The following ABCA9 variants were observed in gnomAD, a reference collection of about 807,000 sequenced individuals.
ABCA9 encodes ATP-binding cassette sub-family A member 9.
ABCA9 carries 183 observed loss-of-function variants against 205.3 expected under a neutral mutation model. The observed-to-expected ratio is 0.89, with a 90% CI of 0.79 to 1.01. ABCA9 has a LOEUF of 1.01. Among genes scored for constraint, ABCA9 ranks in the 50% least tolerant of loss-of-function variants. The pLI is 0.00. For synonymous variants in ABCA9, 651 were observed against 683.3 expected (o/e 0.95, Z 0.74); for missense variants, 1,805 against 1,912.4 (o/e 0.94, Z 1.05).
Position 69,029,157 on chromosome 17 carries a change from T to C in ABCA9, c.1504+12A>G, listed in dbSNP as rs948006362. 1.0e-5 allele frequency: 15 copies of C among 1,482,504 alleles called. No individual in the cohort carries two copies. Among genetic ancestry groups the C allele is most frequent in the Non-Finnish European group, 1.4e-5 (15 of 1,084,320 alleles). The allele number at this position is 1,482,504 out of a possible 1,614,324, so 91.8% of individuals were successfully genotyped here. On this transcript the variant is annotated intron_variant, in intron 11 of 38. Coordinates refer to ENST00000340001, the MANE Select transcript of ABCA9 (RefSeq NM_080283.4). ...TCAAGCAGCCCCATTAAATAAAATA[T>C]TATTTTATTACCTTTCAAAGCTTCT...
In ABCA9 at chr17:69,051,074, T is replaced by G; in HGVS notation, c.53A>C (p.Lys18Thr). The change falls in exon 2 of 39, where the codon AAG becomes ACG. Residue 18 changes from lysine to threonine, a missense_variant. Coordinates refer to ENST00000340001, the MANE Select transcript of ABCA9 (RefSeq NM_080283.4). ...CATTCTCCATTTTTTGAGACAGTTC[T>G]TGCAGAGAAGAGCCCATGTTTGCTG... Reference protein sequence around the residue: ...VGQQTWALLCKNCLKKWRMKR... With the variant: ...VGQQTWALLCTNCLKKWRMKR... 1 of 1,613,810 alleles carries G rather than the reference T, an allele frequency of 6.2e-7. No homozygotes were observed. The highest frequency in any genetic ancestry group is 8.5e-7 in the Non-Finnish European group (1 of 1,179,858).
At chr17:68,997,720 A>G (rs1567926226) in intron 25 of ABCA9, among the ~76,000 whole-genome samples, 1 of 151,848 alleles carries the variant, frequency 6.6e-6, no homozygotes, top group East Asian at 1.9e-4. Context: ...GCCCTCATAC[A>G]GGCACAGCCT....
upstream of ABCA9, among the ~76,000 whole-genome samples, chr17:69,062,397 A>G (rs1329856626): frequency 3.3e-5 from 5 of 152,098 alleles, no homozygotes; most frequent in African/African-American, 4.8e-5. Context: ...TCTGTTTTCA[A>G]TGTTTCCTTC....
intron 31 of ABCA9, among the ~76,000 whole-genome samples, chr17:68,987,134 TTAGG>T (rs1378986108): frequency 6.6e-6 from 1 of 152,208 alleles, no homozygotes. Flanking sequence ...CCTGTATGTG[TTAGG>T]TGTTTGTTTT....
At chr17:69,076,539 C>T in the ABCA9 span, among the ~76,000 whole-genome samples, 2 of 152,102 alleles carry the variant, frequency 1.3e-5, no homozygotes, top group Non-Finnish European at 2.9e-5. Flanking sequence ...AAATGAGTTA[C>T]GGAGTAGTCC....
chr17:69,077,364 A>G, the ABCA9 span, among the ~76,000 whole-genome samples: 6 of 152,006 alleles, frequency 3.9e-5, no homozygotes, highest in Non-Finnish European at 8.8e-5. Context: ...CTGTGGTCTG[A>G]GAGTATGGTT....
upstream of ABCA9, chr17:69,061,037 G>T (rs2072231996): frequency 1.4e-5 from 14 of 985,282 alleles, no homozygotes; most frequent in South Asian, 5.6e-4. Flanking sequence ...TCTGGTCTCA[G>T]TTCAGCTAGC....
Position 69,018,689 on chromosome 17 carries a change from C to A in ABCA9, c.2601-110G>T, listed in dbSNP as rs1025788407. ...ACAGAAATAAATTATAATCAATAACCAAACATTTGAATCATACTTTGCCCC... is the reference window on the plus strand; with the variant it reads ...ACAGAAATAAATTATAATCAATAACAAAACATTTGAATCATACTTTGCCCC... On this transcript the variant is annotated intron_variant, in intron 19 of 38. Coordinates refer to ENST00000340001, the MANE Select transcript of ABCA9 (RefSeq NM_080283.4). The A allele has an allele frequency of 8.0e-5, 66 of 826,524 alleles. 1 individual carries two copies. The highest frequency in any genetic ancestry group is 1.1e-4 in the Non-Finnish European group (62 of 551,520). The allele number at this position is 826,524 out of a possible 1,614,324, so 51.2% of individuals were successfully genotyped here.
rs770720513 is a variant in ABCA9, at chr17:69,027,106, T to C, written c.1920A>G (p.Leu640=). The change falls in exon 15 of 39, where the codon CTA becomes CTG. Residue 640 remains leucine, a synonymous_variant. Coordinates refer to ENST00000340001, the MANE Select transcript of ABCA9 (RefSeq NM_080283.4). The stretch of plus-strand genomic sequence containing the variant: ...CCAATCCAGCAGTCGGTTCATCCAA[T>C]AGCAAAACCTGGACAGGAGGAAAGT... ...IAILGDPQVL[L]LDEPTAGLDP... The C allele has an allele frequency of 6.2e-7, 1 of 1,613,908 alleles. No homozygotes were observed. The highest frequency in any genetic ancestry group is 1.1e-5 in the South Asian group (1 of 91,044).
intron 32 of ABCA9, among the ~76,000 whole-genome samples, 162 bp downstream of exon 32, chr17:68,986,002 C>T (rs908073632): frequency 8.5e-5 from 13 of 152,126 alleles, no homozygotes; most frequent in African/African-American, 3.1e-4. Context: ...TCTCTCCAGG[C>T]TCAAAGTGAG....
At chr17:68,983,620 C>A in intron 36 of ABCA9, 89 bp downstream of exon 36, 9 of 1,523,540 alleles carry the variant, frequency 5.9e-6, no homozygotes, top group Non-Finnish European at 8.0e-6. Flanking sequence ...AGTTAAAGAA[C>A]GAGAAGATAA....
rs1256779394 is a variant in ABCA9, at chr17:68,989,928, T to G, written c.3840A>C (p.Thr1280=). 3.7e-6 allele frequency: 6 copies of G among 1,605,000 alleles called. No individual in the cohort carries two copies. The African/African-American group carries it at 8.0e-5, about 22-fold the overall frequency. The change falls in exon 30 of 39, where the codon ACA becomes ACC. Residue 1280 remains threonine (T), a splice_region_variant and synonymous_variant. Transcript: ENST00000340001. Reference sequence around the variant, plus strand: ...GTAGACAGCTGGCAATGATGACGGGTGTCTGTAAAGACAAGTAAATAACAA... The same window carrying G: ...GTAGACAGCTGGCAATGATGACGGGGGTCTGTAAAGACAAGTAAATAACAA... ...NAMAVRDFDE[T]PVIIASCLRK... is the part of the protein sequence containing the mutation.
chr17:68,979,195 A>G (rs2068968110), intron 37 of ABCA9, among the ~76,000 whole-genome samples: 1 of 152,152 alleles, frequency 6.6e-6, no homozygotes, highest in African/African-American at 2.4e-5. Flanking sequence ...TGCTTCAAAT[A>G]GAATAAAATA....
chr17:69,011,037 G>A (rs1199209798), intron 23 of ABCA9, among the ~76,000 whole-genome samples: 1 of 152,082 alleles, frequency 6.6e-6, no homozygotes. Flanking sequence ...TAGAACTAAA[G>A]CCTGGACATT....
chr17:69,059,207 T>C (rs2072159054), intron 1 of ABCA9, among the ~76,000 whole-genome samples: 1 of 152,074 alleles, frequency 6.6e-6, no homozygotes, highest in South Asian at 2.1e-4. Flanking sequence ...AAGAGAAATG[T>C]GATTGGCAGA....
rs759108453 is a variant in ABCA9 at position 69,023,742 on chromosome 17, T to C, written c.2281+472A>G. On this transcript the variant is annotated intron_variant, in intron 17 of 38. Transcript: ENST00000340001. This position sits in a 1 kb window ranked among gnomAD's most constrained non-coding sequence, Gnocchi z 4.2. ...GCAGCAAAGTTGTACATTGAAGTGT[T>C]TGGCAGAATGCACGCCAATCCAAGT... Among the ~76,000 whole-genome samples the C allele has an allele frequency of 1.3e-5, 2 of 152,140 alleles. No individual in the cohort carries two copies. The highest frequency in any genetic ancestry group is 2.9e-5 in the Non-Finnish European group (2 of 68,002).
intron 37 of ABCA9, 57 bp from the exon 38 acceptor site, chr17:68,976,247 C>T: frequency 1.3e-6 from 2 of 1,494,144 alleles, no homozygotes; most frequent in Non-Finnish European, 1.9e-6. Context: ...TGAGTTTTAC[C>T]AAGTAACAAA....
At position 69,031,578 on chromosome 17, in the gene ABCA9, C is replaced by A. The variant is rs184804321; in HGVS notation, c.1445+530G>T. Among the ~76,000 whole-genome samples, 129 of 152,276 alleles carry A rather than the reference C, an allele frequency of 8.5e-4. No homozygotes were observed. In the Middle Eastern group the frequency reaches 0.017, roughly 20 times the overall value. ...GCAACCAGAATTGAATAAAGCATGTCCATCATCTAAGAGGGAAGATAGGCA... is the reference window on the plus strand; with the variant it reads ...GCAACCAGAATTGAATAAAGCATGTACATCATCTAAGAGGGAAGATAGGCA... On this transcript the variant is annotated intron_variant, in intron 10 of 38. Coordinates refer to ENST00000340001, the MANE Select transcript of ABCA9 (RefSeq NM_080283.4).
At position 69,033,882 on chromosome 17, in the gene ABCA9, G is replaced by C. The variant is rs1437098440; in HGVS notation, c.1129-9C>G. 1.3e-6 allele frequency: 2 copies of C among 1,567,626 alleles called. No homozygotes were observed. Among genetic ancestry groups the C allele is most frequent in the Non-Finnish European group, 1.7e-6 (2 of 1,151,106 alleles). ...TAGTCCAAATGTATAAGCTGAAAAA[G>C]AAAGATACAGTGAATTTTAAAAGAA... On this transcript the variant is annotated splice_polypyrimidine_tract_variant and intron_variant, in intron 8 of 38. Coordinates refer to ENST00000340001, the MANE Select transcript of ABCA9 (RefSeq NM_080283.4).
Sources: allele counts gnomAD v4.1 joint callset (sites outside exome capture counted in the v4.1 genomes callset), GRCh38; gene constraint gnomAD v4.1.1; non-coding constraint Gnocchi (gnomAD v3.1); transcripts MANE v1.5; gene names NCBI Gene and HGNC (gene_info 2026-07-23, HGNC 2026-07-21).